The following PVT1 variants were observed in gnomAD, a reference collection of about 807,000 sequenced individuals.
PVT1 encodes the protein CXCR4/PVT1 fusion.
chr8:128,034,062 C>CTTTT (rs79313778), intron 4 of PVT1, among the ~76,000 whole-genome samples: 14 of 140,840 alleles, frequency 9.9e-5, no homozygotes, highest in Admixed American at 2.1e-4. Flanking sequence ...ACTTCTGCAC[C>CTTTT]TTTTTTTTTT....
At chr8:127,851,763 G>A (rs1317511680) in intron 2 of PVT1, among the ~76,000 whole-genome samples, 1 of 152,208 alleles carries the variant, frequency 6.6e-6, no homozygotes, top group Non-Finnish European at 1.5e-5. Flanking sequence ...AGGCTGTGGA[G>A]ACTCTAGCCA....
intron 3 of PVT1, among the ~76,000 whole-genome samples, chr8:127,985,316 G>A (rs1230293868): frequency 6.6e-6 from 1 of 151,862 alleles, no homozygotes; most frequent in Non-Finnish European, 1.5e-5. Context: ...ACAGGCGTGA[G>A]CCACCGCGCC....
chr8:128,077,197 C>A (rs1182636863), intron 5 of PVT1, among the ~76,000 whole-genome samples: 1 of 152,170 alleles, frequency 6.6e-6, no homozygotes. Flanking sequence ...GGAGGCATAG[C>A]CCATCTAAGT....
intron 4 of PVT1, among the ~76,000 whole-genome samples, chr8:128,050,368 G>A (rs78529319): frequency 0.018 from 2,671 of 152,254 alleles, 163 homozygotes; most frequent in Admixed American, 0.12. Context: ...CAGTAGCTCC[G>A]TGTCACCCAC....
chr8:128,007,610 C>G (rs559807246), intron 4 of PVT1, among the ~76,000 whole-genome samples: 38 of 152,278 alleles, frequency 2.5e-4, no homozygotes, highest in African/African-American at 8.9e-4. Flanking sequence ...GGGAGAAATT[C>G]TGTGAAGGGT....
At position 128,037,556 on chromosome 8, in the gene PVT1, T is replaced by C. The variant is rs577740004; in HGVS notation, n.913-32604T>C. ...ATCTGGCCTGTAAGTACAGTCCATT[T>C]GGAGGGAGGATCTCAATGCATTTTT... On this transcript the variant is annotated intron_variant and non_coding_transcript_variant, in intron 4 of 10. Coordinates refer to ENST00000651587, the Ensembl canonical transcript of PVT1. Among the ~76,000 whole-genome samples the C allele has an allele frequency of 1.0e-3, 152 of 152,188 alleles. 1 individual carries two copies. Among genetic ancestry groups the C allele is most frequent in the Non-Finnish European group, 1.6e-3 (112 of 68,022 alleles).
chr8:128,002,094 G>A (rs927569766), intron 4 of PVT1, among the ~76,000 whole-genome samples: 2 of 152,178 alleles, frequency 1.3e-5, no homozygotes, highest in African/African-American at 4.8e-5. Flanking sequence ...ATGCCAGAAC[G>A]TTATGTTTCT....
intron 2 of PVT1, among the ~76,000 whole-genome samples, chr8:127,866,424 C>T (rs1815287146): frequency 6.6e-6 from 1 of 152,154 alleles, no homozygotes; most frequent in Non-Finnish European, 1.5e-5. Context: ...CCACTGCTGA[C>T]CTGCTGGTGG....
intron 3 of PVT1, among the ~76,000 whole-genome samples, chr8:127,897,484 AAGAG>A (rs977218854): frequency 6.6e-6 from 1 of 151,410 alleles, no homozygotes; most frequent in Non-Finnish European, 1.5e-5. Flanking sequence ...GAAAGAGAGA[AAGAG>A]AGAAAGAAAG....
intron 2 of PVT1, among the ~76,000 whole-genome samples, chr8:127,819,874 T>A (rs2129678147): frequency 6.6e-6 from 1 of 152,338 alleles, no homozygotes; most frequent in East Asian, 1.9e-4. Flanking sequence ...AGAGGTGGAA[T>A]TAGAAGGTGC....
At chr8:127,993,376 C>T (rs1387355504) in intron 4 of PVT1, among the ~76,000 whole-genome samples, 1 of 152,252 alleles carries the variant, frequency 6.6e-6, no homozygotes, top group Non-Finnish European at 1.5e-5. Context: ...GAGTCTCTTT[C>T]AGTCCAGCTC....
chr8:128,013,158 T>C (rs1817334458), intron 4 of PVT1, among the ~76,000 whole-genome samples: 1 of 152,118 alleles, frequency 6.6e-6, no homozygotes, highest in Admixed American at 6.5e-5. Flanking sequence ...ACTAGCTCTG[T>C]GACCTCAGAA....
intron 5 of PVT1, among the ~76,000 whole-genome samples, chr8:128,086,253 G>A (rs1000583548): frequency 1.3e-5 from 2 of 152,170 alleles, no homozygotes; most frequent in Middle Eastern, 3.2e-3. Flanking sequence ...GCAGAGGGGG[G>A]TCTAGGCAGT....
intron 2 of PVT1, among the ~76,000 whole-genome samples, chr8:127,840,668 C>T (rs1321674697): frequency 6.6e-6 from 1 of 152,238 alleles, no homozygotes; most frequent in East Asian, 1.9e-4. Context: ...GACCCTGCCA[C>T]TCTCCTAGCT....
intron 4 of PVT1, among the ~76,000 whole-genome samples, chr8:128,042,633 A>G (rs34991389): frequency 0.03 from 4,559 of 152,190 alleles, 202 homozygotes; most frequent in African/African-American, 0.096. Flanking sequence ...GAGGAATACT[A>G]ACTGGTAATG....
chr8:128,050,568 C>T (rs1453563491), intron 4 of PVT1, among the ~76,000 whole-genome samples: 1 of 152,100 alleles, frequency 6.6e-6, no homozygotes, highest in African/African-American at 2.4e-5. Flanking sequence ...GTTTTTTCTC[C>T]CTTGGATGCC....
At chr8:127,917,856 T>C (rs1816006035) in intron 3 of PVT1, among the ~76,000 whole-genome samples, 1 of 152,256 alleles carries the variant, frequency 6.6e-6, no homozygotes, top group Non-Finnish European at 1.5e-5. Context: ...AGCCTGTGTT[T>C]CCGACAGGCC....
chr8:127,955,571 ATCCCCTCCCC>A (rs982314775), intron 3 of PVT1, among the ~76,000 whole-genome samples: 11 of 151,902 alleles, frequency 7.2e-5, no homozygotes, highest in African/African-American at 2.7e-4. Flanking sequence ...AGAGTCTGTA[ATCCCCTCCCC>A]TCCCCTGCCC....
chr8:128,023,659 C>T (rs1180621528), intron 4 of PVT1, among the ~76,000 whole-genome samples: 1 of 152,206 alleles, frequency 6.6e-6, no homozygotes, highest in Admixed American at 6.5e-5. Flanking sequence ...CTATTCAGAA[C>T]ATCTCTAGTA....
Sources: gnomAD v4.1 joint callset for allele counts (sites outside exome capture counted in the v4.1 genomes callset) on GRCh38, gnomAD v4.1.1 for gene constraint, MANE v1.5 for transcripts, NCBI Gene and HGNC (gene_info 2026-07-23, HGNC 2026-07-21) for gene names.